ATXN7L1: variants seen among roughly 807,000 people sequenced by gnomAD.
ATXN7L1 encodes the protein ataxin 7 like 1, also known as ataxin-7-like protein 1.
Under a neutral mutation model 70.8 loss-of-function variants are expected in ATXN7L1, and 15 were observed. The observed-to-expected ratio is 0.21, with a 90% CI of 0.14 to 0.33. The LOEUF (loss-of-function observed/expected upper bound fraction) is 0.33. Among genes scored for constraint, ATXN7L1 ranks in the 10% least tolerant of loss-of-function variants. ATXN7L1 has a pLI of 1.00. For missense variants in ATXN7L1, 975 were observed against 1,097.1 expected (o/e 0.89, Z 1.57); for synonymous variants, 440 against 445.1 (o/e 0.99, Z 0.14).
chr7:105,708,114 G>A (rs987374687), intron 3 of ATXN7L1, among the ~76,000 whole-genome samples: 2 of 152,226 alleles, frequency 1.3e-5, no homozygotes, highest in South Asian at 2.1e-4. Flanking sequence ...GACGTGCTCT[G>A]CTGAAGTGAG....
chr7:105,687,245 G>A (rs934476343), intron 3 of ATXN7L1, among the ~76,000 whole-genome samples: 20 of 152,360 alleles, frequency 1.3e-4, no homozygotes, highest in African/African-American at 4.1e-4. Flanking sequence ...GGAGGTTCCT[G>A]CAATGTTCTG....
At chr7:105,735,279 G>C (rs1364282159) in intron 3 of ATXN7L1, among the ~76,000 whole-genome samples, 2 of 151,884 alleles carry the variant, frequency 1.3e-5, no homozygotes, top group African/African-American at 4.8e-5. Context: ...ACCACAAGAA[G>C]CGTATCTACA....
intron 3 of ATXN7L1, among the ~76,000 whole-genome samples, chr7:105,733,768 A>G (rs1180009272): frequency 7.2e-6 from 1 of 139,586 alleles, no homozygotes; most frequent in East Asian, 2.3e-4. Flanking sequence ...CCACCCCTCC[A>G]TCCGTCCACC....
chr7:105,832,672 G>T (rs1479094864), intron 2 of ATXN7L1, among the ~76,000 whole-genome samples: 1 of 152,276 alleles, frequency 6.6e-6, no homozygotes, highest in East Asian at 1.9e-4. Flanking sequence ...TCCACGGAAA[G>T]CTTTGAAAGG....
intron 3 of ATXN7L1, among the ~76,000 whole-genome samples, chr7:105,776,501 C>CCA (rs1802749731): frequency 6.6e-6 from 1 of 151,888 alleles, no homozygotes; most frequent in Non-Finnish European, 1.5e-5. Flanking sequence ...CAACCCCCCC[C>CCA]CCAAAACAAA....
intron 3 of ATXN7L1, among the ~76,000 whole-genome samples, chr7:105,758,425 T>C (rs1800078069): frequency 6.6e-6 from 1 of 152,140 alleles, no homozygotes; most frequent in Non-Finnish European, 1.5e-5. Flanking sequence ...GGCTGAGCAG[T>C]GAACCTTGCT....
At chr7:105,875,461 G>A (rs1585217341) in intron 2 of ATXN7L1, among the ~76,000 whole-genome samples, 2 of 152,228 alleles carry the variant, frequency 1.3e-5, no homozygotes, top group Admixed American at 1.3e-4. Context: ...GAGAAAGGCT[G>A]GGATGCTTGT....
chr7:105,796,091 G>A (rs958752461), intron 2 of ATXN7L1, among the ~76,000 whole-genome samples: 2 of 152,322 alleles, frequency 1.3e-5, no homozygotes, highest in Admixed American at 6.5e-5. Context: ...TTAGCTGGGC[G>A]TGGTGGCTCA....
intron 2 of ATXN7L1, among the ~76,000 whole-genome samples, chr7:105,864,046 A>G (rs1817021423): frequency 6.6e-6 from 1 of 152,178 alleles, no homozygotes. Context: ...TTGCTTTTAA[A>G]AAGCTTCCCA....
In ATXN7L1 at chr7:105,614,625, G is replaced by A; in HGVS notation, c.1709C>T (p.Thr570Ile). 1 of 1,551,858 alleles carries A rather than the reference G, an allele frequency of 6.4e-7. No individual in the cohort carries two copies. The highest frequency in any genetic ancestry group is 2.4e-5 in the East Asian group (1 of 40,908). Residue 570 changes from threonine to isoleucine, a missense_variant, in exon 10 of 12, where the codon ACA becomes ATA. By Grantham distance (89) the Thr-to-Ile change is moderately conservative. Transcript: ENST00000419735. The surrounding 1 kb of genome is among the most constrained non-coding windows in gnomAD (Gnocchi z 4.3). ...SAMLSNAAFV[T>I]SPDPSALMSH... ...CATGAGGGCGCTCGGGTCCGGCGATGTCACGAAAGCTGCGTTTGAGAGCAT... is the reference window on the plus strand; with the variant it reads ...CATGAGGGCGCTCGGGTCCGGCGATATCACGAAAGCTGCGTTTGAGAGCAT...
At chr7:105,671,918 AT>A (rs1450708504) in intron 3 of ATXN7L1, among the ~76,000 whole-genome samples, 4 of 131,536 alleles carry the variant, frequency 3.0e-5, no homozygotes, top group South Asian at 2.4e-4. Context: ...AAAAAAAAGA[AT>A]TTTTTTTTCT....
intron 2 of ATXN7L1, among the ~76,000 whole-genome samples, chr7:105,821,648 CT>C (rs1810180534): frequency 6.6e-6 from 1 of 152,250 alleles, no homozygotes; most frequent in African/African-American, 2.4e-5. Context: ...ACAGAGCAAT[CT>C]GAATTTGATT....
chr7:105,841,276 C>T (rs1289583504), intron 2 of ATXN7L1, among the ~76,000 whole-genome samples: 3 of 152,214 alleles, frequency 2.0e-5, no homozygotes, highest in African/African-American at 7.2e-5. Flanking sequence ...TGCTCAGCCT[C>T]TCACTGGCTG....
At chr7:105,732,619 C>T (rs1160940662) in intron 3 of ATXN7L1, among the ~76,000 whole-genome samples, 1 of 152,124 alleles carries the variant, frequency 6.6e-6, no homozygotes, top group Non-Finnish European at 1.5e-5. Context: ...TCTGAGTGGG[C>T]ATTGTAGGTC....
At chr7:105,616,123 T>G (rs1793858849) in intron 9 of ATXN7L1, among the ~76,000 whole-genome samples, 1 of 152,244 alleles carries the variant, frequency 6.6e-6, no homozygotes, top group African/African-American at 2.4e-5. Flanking sequence ...TCACTGTAGC[T>G]GGGGCTCACT....
chr7:105,655,159 C>A (rs533665235), intron 4 of ATXN7L1, among the ~76,000 whole-genome samples: 10 of 152,264 alleles, frequency 6.6e-5, no homozygotes, highest in African/African-American at 2.4e-4. Flanking sequence ...CATTTACACC[C>A]AAGGAGCTGT....
intron 3 of ATXN7L1, chr7:105,678,096 T>TC (rs1804986925): frequency 1.3e-6 from 1 of 760,762 alleles, no homozygotes; most frequent in East Asian, 1.3e-4. Context: ...CACATACTTT[T>TC]TTTTTTTTTT....
At chr7:105,848,464 TA>T (rs1483679912) in intron 2 of ATXN7L1, among the ~76,000 whole-genome samples, 4 of 152,214 alleles carry the variant, frequency 2.6e-5, no homozygotes, top group Non-Finnish European at 5.9e-5. Context: ...ATATTATTTT[TA>T]ATAATGAGAA....
chr7:105,702,569 CACAT>C (rs1563019236), intron 3 of ATXN7L1, among the ~76,000 whole-genome samples: 4 of 151,934 alleles, frequency 2.6e-5, no homozygotes, highest in Admixed American at 1.3e-4. Flanking sequence ...CACACAGACA[CACAT>C]ACACACACAC....
Sources: allele counts gnomAD v4.1 joint callset (sites outside exome capture counted in the v4.1 genomes callset), GRCh38; gene constraint gnomAD v4.1.1; non-coding constraint Gnocchi (gnomAD v3.1); transcripts MANE v1.5; gene names NCBI Gene and HGNC (gene_info 2026-07-23, HGNC 2026-07-21).